NBEA: variants seen among roughly 807,000 people sequenced by gnomAD.
NBEA encodes lysosomal-trafficking regulator 2.
In NBEA, 44 loss-of-function variants were observed where a neutral mutation model predicts 343.4. The observed-to-expected ratio is 0.13, with a 90% confidence interval of 0.10 to 0.16. NBEA has a LOEUF of 0.16. Ranked by LOEUF, NBEA falls within the 10% of genes least tolerant of loss-of-function variation. NBEA has a pLI of 1.00. For missense variants in NBEA, 2,555 were observed against 3,631.3 expected (o/e 0.70, Z 7.62); for synonymous variants, 1,175 against 1,238.7 (o/e 0.95, Z 1.08).
chr13:35,288,124 T>C (rs9315336), intron 34 of NBEA, among the ~76,000 whole-genome samples: 10,214 of 152,034 alleles, frequency 0.067, 357 homozygotes, highest in African/African-American at 0.087. Context: ...ACAAAAAGGA[T>C]ACACTCAAAC....
chr13:35,632,036 T>G (rs1344068590), intron 49 of NBEA, among the ~76,000 whole-genome samples: 1 of 152,212 alleles, frequency 6.6e-6, no homozygotes, highest in African/African-American at 2.4e-5. Flanking sequence ...ATCTGTTGGA[T>G]AGTAGATATT....
At chr13:35,588,039 C>T (rs1482327712) in intron 46 of NBEA, among the ~76,000 whole-genome samples, 4 of 151,942 alleles carry the variant, frequency 2.6e-5, no homozygotes, top group Non-Finnish European at 4.4e-5. Flanking sequence ...AAACATGTAA[C>T]CAATATAAAA....
At chr13:35,329,321 C>A (rs1400967267) in intron 36 of NBEA, among the ~76,000 whole-genome samples, 1 of 151,766 alleles carries the variant, frequency 6.6e-6, no homozygotes, top group East Asian at 1.9e-4. Flanking sequence ...ACCATATGTC[C>A]TAATAATTCC....
chr13:35,200,340 CTT>C (rs904049038), intron 31 of NBEA, among the ~76,000 whole-genome samples: 36 of 150,246 alleles, frequency 2.4e-4, no homozygotes, highest in African/African-American at 8.3e-4. Flanking sequence ...AAAATTTAAT[CTT>C]ATATATCTGC....
rs1555267087 is a variant in NBEA at position 35,445,816 on chromosome 13, ATG to A, written c.6305-6274_6305-6273del. On this transcript the variant is annotated intron_variant, in intron 39 of 58. Transcript: ENST00000379939. ...TATATATATATATATATATATATAT[ATG>A]TATATATATATATTATATTTGAAGT... Among the ~76,000 whole-genome samples the A allele has an allele frequency of 8.8e-4, 88 of 100,374 alleles. No individual in the cohort carries two copies. In the South Asian group the frequency reaches 0.021, roughly 24 times the overall value. The allele number at this position is 100,374 out of a possible 152,430, so 65.8% of individuals were successfully genotyped here. A position where few individuals can be genotyped will look rare whatever the true frequency, so the allele number is the denominator to read the frequency against.
At chr13:35,187,861 A>G (rs1319594339) in intron 30 of NBEA, among the ~76,000 whole-genome samples, 5 of 151,888 alleles carry the variant, frequency 3.3e-5, no homozygotes, top group Non-Finnish European at 7.4e-5. Context: ...CCATCAGACT[A>G]CCTTCTAGTT....
intron 46 of NBEA, among the ~76,000 whole-genome samples, chr13:35,592,563 TAGTC>T (rs1469002847): frequency 6.6e-6 from 1 of 152,016 alleles, no homozygotes; most frequent in Non-Finnish European, 1.5e-5. Context: ...AAAAAGAACT[TAGTC>T]AGGTCAGAAT....
chr13:35,128,392 C>T (rs757179692), intron 17 of NBEA, among the ~76,000 whole-genome samples: 1 of 152,082 alleles, frequency 6.6e-6, no homozygotes, highest in African/African-American at 2.4e-5. Context: ...AACAGACAGT[C>T]ACTTAAAGTT....
chr13:35,281,077 G>C (rs1267095212), intron 34 of NBEA, among the ~76,000 whole-genome samples: 11 of 151,964 alleles, frequency 7.2e-5, no homozygotes, highest in Non-Finnish European at 1.5e-5. Context: ...TTGTGATTTG[G>C]ATATAGGATT....
chr13:34,992,480 T>A lies in NBEA; in HGVS notation c.295-48453T>A, dbSNP rs189040871. ...CATGTTGGACAGGCTGGTCTTGAACTCCTGACCACCACGCCCGGCCAAGAA... is the reference window on the plus strand; with the variant it reads ...CATGTTGGACAGGCTGGTCTTGAACACCTGACCACCACGCCCGGCCAAGAA... On this transcript the variant is annotated intron_variant, in intron 1 of 58. Transcript: ENST00000379939. 1.1e-3 allele frequency among the ~76,000 whole-genome samples: 165 copies of A among 151,678 alleles called. 1 individual carries two copies. Among genetic ancestry groups the A allele is most frequent in the Non-Finnish European group, 1.0e-3 (71 of 67,926 alleles).
At chr13:35,252,336 C>T (rs1303031759) in intron 34 of NBEA, among the ~76,000 whole-genome samples, 2 of 152,204 alleles carry the variant, frequency 1.3e-5, no homozygotes, top group Admixed American at 1.3e-4. Flanking sequence ...GTCAGCTCTG[C>T]CAGGTCCCTC....
chr13:35,225,622 A>G (rs2074609685), intron 33 of NBEA, among the ~76,000 whole-genome samples: 1 of 152,158 alleles, frequency 6.6e-6, no homozygotes, highest in African/African-American at 2.4e-5. Flanking sequence ...CCTTGTGTCT[A>G]TAGCTCTGGG....
At chr13:35,095,755 T>A (rs2065300131) in intron 10 of NBEA, among the ~76,000 whole-genome samples, 1 of 151,962 alleles carries the variant, frequency 6.6e-6, no homozygotes, top group African/African-American at 2.4e-5. Flanking sequence ...ATAATCAGCA[T>A]ACTTTTGGTC....
intron 41 of NBEA, among the ~76,000 whole-genome samples, chr13:35,530,375 C>G (rs2078200753): frequency 6.6e-6 from 1 of 152,124 alleles, no homozygotes; most frequent in South Asian, 2.1e-4. Flanking sequence ...CCTGACATGC[C>G]TGACAGGATG....
At chr13:35,644,135 C>T (rs2084103077) in intron 49 of NBEA, among the ~76,000 whole-genome samples, 1 of 152,148 alleles carries the variant, frequency 6.6e-6, no homozygotes, top group Non-Finnish European at 1.5e-5. Context: ...GGACTGAGAT[C>T]CTTTGGGTCA....
At chr13:35,545,360 C>T (rs954061411) in intron 41 of NBEA, among the ~76,000 whole-genome samples, 1 of 152,174 alleles carries the variant, frequency 6.6e-6, no homozygotes, top group Non-Finnish European at 1.5e-5. Context: ...ACATGCCTCC[C>T]TAGCGCTGTG....
intron 34 of NBEA, among the ~76,000 whole-genome samples, chr13:35,243,817 C>A (rs1366317284): frequency 6.6e-6 from 1 of 151,694 alleles, no homozygotes; most frequent in Non-Finnish European, 1.5e-5. Context: ...CATTCATATC[C>A]CAATTTCAGT....
intron 56 of NBEA, 101 bp from the exon 57 acceptor site, chr13:35,667,273 C>T: frequency 1.1e-6 from 1 of 940,156 alleles, no homozygotes; most frequent in Admixed American, 2.3e-5. Context: ...CCTCTTCCGT[C>T]ACATCTGAGC....
intron 34 of NBEA, among the ~76,000 whole-genome samples, chr13:35,275,054 T>A (rs1209450480): frequency 6.6e-6 from 1 of 152,042 alleles, no homozygotes; most frequent in Non-Finnish European, 1.5e-5. Flanking sequence ...GCCAAGACAA[T>A]CCTAAGCAAA....
Sources: gnomAD v4.1 joint callset for allele counts (sites outside exome capture counted in the v4.1 genomes callset) on GRCh38, gnomAD v4.1.1 for gene constraint, MANE v1.5 for transcripts, NCBI Gene and HGNC (gene_info 2026-07-23, HGNC 2026-07-21) for gene names.